CDC5L: variants seen among roughly 807,000 people sequenced by gnomAD.
CDC5L encodes cell division cycle 5-like protein.
CDC5L carries 18 observed loss-of-function variants against 104.1 expected under a neutral mutation model. The ratio of observed to expected loss-of-function variants is 0.17; its 90% CI spans 0.12 to 0.26. The LOEUF (loss-of-function observed/expected upper bound fraction) is 0.26. Ranked by LOEUF, CDC5L falls within the 10% of genes least tolerant of loss-of-function variation. The pLI is 1.00. For missense variants in CDC5L, 673 were observed against 956.9 expected (o/e 0.70, Z 3.91); for synonymous variants, 331 against 322.7 (o/e 1.03, Z -0.28).
chr6:44,402,310 G>A (rs541975946), intron 5 of CDC5L, among the ~76,000 whole-genome samples: 1 of 151,810 alleles, frequency 6.6e-6, no homozygotes, highest in African/African-American at 2.4e-5. Flanking sequence ...ATCCTCTCCA[G>A]CACCTGTTGT....
At chr6:44,399,322 C>G (rs1791012483) in intron 5 of CDC5L, among the ~76,000 whole-genome samples, 1 of 152,164 alleles carries the variant, frequency 6.6e-6, no homozygotes, top group African/African-American at 2.4e-5. Flanking sequence ...CTGTAGATTT[C>G]TTTTTGTTTA....
chr6:44,407,429 C>T (rs904519255), intron 7 of CDC5L, among the ~76,000 whole-genome samples: 3 of 151,896 alleles, frequency 2.0e-5, no homozygotes, highest in East Asian at 1.9e-4. Flanking sequence ...CGCGTTCAAG[C>T]GATTCTCCTG....
chr6:44,394,547 A>G (rs1790761796), intron 4 of CDC5L, among the ~76,000 whole-genome samples: 1 of 152,144 alleles, frequency 6.6e-6, no homozygotes, highest in South Asian at 2.1e-4. Context: ...AGTGTCCATT[A>G]ATGGGTGAAT....
chr6:44,411,166 G>T (rs925823268), intron 8 of CDC5L, among the ~76,000 whole-genome samples: 4 of 151,780 alleles, frequency 2.6e-5, no homozygotes, highest in Non-Finnish European at 4.4e-5. Context: ...CAAATGTCCG[G>T]TGCTCTTTGC....
chr6:44,389,403 T>C (rs1790494575), intron 1 of CDC5L, among the ~76,000 whole-genome samples: 1 of 151,802 alleles, frequency 6.6e-6, no homozygotes, highest in Non-Finnish European at 1.5e-5. Flanking sequence ...GAGGATGGAG[T>C]GGGGTATCTC....
rs577564828 is a variant in CDC5L, at chr6:44,391,836, G to A, written c.150-831G>A. Reference sequence around the variant, plus strand: ...GCCTGGCCAACATGGTGAAAACCCCGTCTCTTCTAAAAGTACAAAAATTAG... The same window carrying A: ...GCCTGGCCAACATGGTGAAAACCCCATCTCTTCTAAAAGTACAAAAATTAG... On this transcript the variant is annotated intron_variant, in intron 2 of 15. Transcript: ENST00000371477. Among the ~76,000 whole-genome samples the A allele has an allele frequency of 3.6e-4, 54 of 152,082 alleles. No homozygotes were observed. The East Asian group carries it at 9.7e-3, about 27-fold the overall frequency.
intron 9 of CDC5L, among the ~76,000 whole-genome samples, chr6:44,420,940 T>A (rs947216908): frequency 3.6e-4 from 55 of 152,278 alleles, no homozygotes; most frequent in African/African-American, 1.3e-3. Context: ...CTCCCTTGTA[T>A]CTTTAAAAAC....
chr6:44,397,161 G>A (rs531672281), intron 5 of CDC5L, among the ~76,000 whole-genome samples: 10 of 152,292 alleles, frequency 6.6e-5, no homozygotes, highest in Admixed American at 5.9e-4. Context: ...ATCCTGCCGT[G>A]GTCTTTCTGG....
At chr6:44,412,658 A>C (rs930804897) in intron 8 of CDC5L, among the ~76,000 whole-genome samples, 1 of 152,020 alleles carries the variant, frequency 6.6e-6, no homozygotes, top group Admixed American at 6.5e-5. Flanking sequence ...AGGGACATTT[A>C]ATGGAACTCC....
chr6:44,387,999 C>T (rs998670853), intron 1 of CDC5L, 131 bp downstream of exon 1: 10 of 757,558 alleles, frequency 1.3e-5, no homozygotes, highest in Admixed American at 2.9e-5. Context: ...GGGGCTGACC[C>T]TTGGGGCCCT....
At position 44,446,687 on chromosome 6, in the gene CDC5L, A is replaced by G; in HGVS notation, c.2385A>G (p.Lys795=). 2 of 1,575,640 alleles carry G rather than the reference A, an allele frequency of 1.3e-6. No individual in the cohort carries two copies. The highest frequency in any genetic ancestry group is 1.2e-5 in the South Asian group (1 of 86,364). ...GATATGCTGATTTGCTGCTGGAGAA[A>G]GAGACTTTAAAGTCAAAATTCTGAA... ...QHRYADLLLE[K]ETLKSKF is the part of the protein sequence containing the mutation. Residue 795 remains lysine, a synonymous_variant, in exon 16 of 16, where the codon AAA becomes AAG. Coordinates refer to ENST00000371477, the MANE Select transcript of CDC5L (RefSeq NM_001253.4).
At chr6:44,396,481 C>G (rs201131943) in intron 5 of CDC5L, 41 bp downstream of exon 5, 1 of 1,253,826 alleles carries the variant, frequency 8.0e-7, no homozygotes, top group Non-Finnish European at 1.1e-6. Context: ...GTGTTTTTCT[C>G]ACATAACAAT....
chr6:44,421,031 C>T (rs139601894), intron 9 of CDC5L, among the ~76,000 whole-genome samples: 1 of 152,268 alleles, frequency 6.6e-6, no homozygotes, highest in Non-Finnish European at 1.5e-5. Flanking sequence ...CTTGCCGTTC[C>T]CGAATAAACT....
At chr6:44,445,974 C>T in intron 15 of CDC5L, 107 bp downstream of exon 15, 1 of 862,730 alleles carries the variant, frequency 1.2e-6, no homozygotes, top group Non-Finnish European at 1.8e-6. Context: ...TTGGTACTGT[C>T]AGGCTTTTAA....
At position 44,390,238 on chromosome 6, in the gene CDC5L, C is replaced by G. The variant is rs374157837; in HGVS notation, c.46-30C>G. On this transcript the variant is annotated intron_variant, in intron 1 of 15. Transcript: ENST00000371477. The stretch of plus-strand genomic sequence containing the variant: ...TCTTTTCCCACTTGGAGTTTTGTGA[C>G]TGAATGTACTCTTTGGCAATTTTTT... 13 of 1,426,426 alleles carry G rather than the reference C, an allele frequency of 9.1e-6. No homozygotes were observed. The African/African-American group carries it at 1.5e-4, about 17-fold the overall frequency. The allele number at this position is 1,426,426 out of a possible 1,614,324, so 88.4% of individuals were successfully genotyped here.
intron 8 of CDC5L, among the ~76,000 whole-genome samples, chr6:44,416,072 A>G (rs1425753941): frequency 6.6e-6 from 1 of 152,140 alleles, no homozygotes; most frequent in Non-Finnish European, 1.5e-5. Flanking sequence ...GCTAGGGGTA[A>G]GAGGAGTTTT....
chr6:44,388,013 C>A (rs1790413263), intron 1 of CDC5L, 145 bp downstream of exon 1: 2 of 688,764 alleles, frequency 2.9e-6, no homozygotes, highest in East Asian at 5.6e-5. Context: ...GGGCCCTTTC[C>A]GTGTGTCTGG....
At chr6:44,403,691 A>G in intron 5 of CDC5L, 118 bp from the exon 6 acceptor site, 2 of 697,848 alleles carry the variant, frequency 2.9e-6, no homozygotes, top group South Asian at 4.0e-5. Flanking sequence ...GTGTGAGGTA[A>G]GGATTTAAAT....
At chr6:44,411,701 C>T (rs1311576615) in intron 8 of CDC5L, among the ~76,000 whole-genome samples, 1 of 148,942 alleles carries the variant, frequency 6.7e-6, no homozygotes, top group Non-Finnish European at 1.5e-5. Flanking sequence ...TCTTTTTCTT[C>T]TCATTTTATA....
Sources: gnomAD v4.1 joint callset for allele counts (sites outside exome capture counted in the v4.1 genomes callset) on GRCh38, gnomAD v4.1.1 for gene constraint, MANE v1.5 for transcripts, NCBI Gene and HGNC (gene_info 2026-07-23, HGNC 2026-07-21) for gene names.